The following PCDH9 variants were observed in gnomAD, a reference collection of about 807,000 sequenced individuals.
PCDH9 encodes the protein protocadherin 9.
In PCDH9, 24 loss-of-function variants were observed where a neutral mutation model predicts 70.6. The ratio of observed to expected loss-of-function variants is 0.34; its 90% CI spans 0.25 to 0.48. PCDH9 has a LOEUF of 0.48. PCDH9 is among the 20% of genes least tolerant of loss of function. The pLI, the probability that PCDH9 is intolerant of heterozygous loss-of-function variation, is 0.99. For synonymous variants in PCDH9, 562 were observed against 558.5 expected (o/e 1.01, Z -0.09); for missense variants, 1,281 against 1,503.6 (o/e 0.85, Z 2.45).
chr13:66,910,483 A>C (rs2082442472), intron 2 of PCDH9, among the ~76,000 whole-genome samples: 2 of 152,318 alleles, frequency 1.3e-5, no homozygotes, highest in South Asian at 4.1e-4. Flanking sequence ...AAATGGAACC[A>C]GTACGTTCCA....
chr13:66,750,740 A>G (rs1181743986), intron 3 of PCDH9, among the ~76,000 whole-genome samples: 1 of 152,122 alleles, frequency 6.6e-6, no homozygotes, highest in Non-Finnish European at 1.5e-5. Flanking sequence ...TGTTTTCCCA[A>G]AAATAAACAC....
intron 4 of PCDH9, among the ~76,000 whole-genome samples, chr13:66,436,727 C>T (rs1442540879): frequency 6.6e-6 from 1 of 152,074 alleles, no homozygotes; most frequent in Non-Finnish European, 1.5e-5. Context: ...AAATATAATG[C>T]AGGCCTAAAT....
chr13:67,088,802 TTAAC>T (rs2086160236), intron 2 of PCDH9, among the ~76,000 whole-genome samples: 2 of 152,164 alleles, frequency 1.3e-5, no homozygotes, highest in Middle Eastern at 3.4e-3. Flanking sequence ...ACTGAGCAGT[TTAAC>T]TATGCAATTC....
intron 4 of PCDH9, among the ~76,000 whole-genome samples, chr13:66,567,200 T>C (rs1304086453): frequency 5.3e-5 from 8 of 152,172 alleles, no homozygotes; most frequent in African/African-American, 1.9e-4. Context: ...AGCTCCATAC[T>C]GGGTGCTGCA....
At chr13:66,652,184 A>G (rs1353166291) in intron 3 of PCDH9, among the ~76,000 whole-genome samples, 2 of 152,098 alleles carry the variant, frequency 1.3e-5, no homozygotes, top group Non-Finnish European at 2.9e-5. Flanking sequence ...AATAAAGGGC[A>G]TCCACACTGG....
chr13:66,958,360 T>G (rs2083294850), intron 2 of PCDH9, among the ~76,000 whole-genome samples: 1 of 152,208 alleles, frequency 6.6e-6, no homozygotes, highest in African/African-American at 2.4e-5. Context: ...GAAGTAGAGA[T>G]TGCTTCAGAT....
At chr13:66,750,497 G>A (rs1222992754) in intron 3 of PCDH9, among the ~76,000 whole-genome samples, 1 of 151,786 alleles carries the variant, frequency 6.6e-6, no homozygotes, top group Non-Finnish European at 1.5e-5. Flanking sequence ...TTGTCTCTCT[G>A]CTATCCCTGA....
chr13:66,696,673 T>G (rs112588433), intron 3 of PCDH9, among the ~76,000 whole-genome samples: 2 of 152,044 alleles, frequency 1.3e-5, no homozygotes, highest in African/African-American at 4.8e-5. Context: ...CTTTGTGCAC[T>G]CAAATGTTTG....
intron 3 of PCDH9, among the ~76,000 whole-genome samples, chr13:66,646,222 A>AC (rs2077769205): frequency 6.6e-6 from 1 of 152,220 alleles, no homozygotes; most frequent in African/African-American, 2.4e-5. Flanking sequence ...AGTGATGTTT[A>AC]CCTTTTCAGG....
At chr13:66,477,538 A>G (rs1330192768) in intron 4 of PCDH9, among the ~76,000 whole-genome samples, 1 of 152,146 alleles carries the variant, frequency 6.6e-6, no homozygotes, top group East Asian at 1.9e-4. Flanking sequence ...TTTCAGACTT[A>G]CTGGCTGTAT....
At chr13:66,526,312 G>T (rs1342463953) in intron 4 of PCDH9, among the ~76,000 whole-genome samples, 1 of 151,968 alleles carries the variant, frequency 6.6e-6, no homozygotes, top group Admixed American at 6.6e-5. Context: ...GTGATCCTGC[G>T]GTGCTAATAA....
chr13:66,320,345 C>G (rs894551676), intron 4 of PCDH9, among the ~76,000 whole-genome samples: 4 of 151,986 alleles, frequency 2.6e-5, no homozygotes, highest in African/African-American at 9.7e-5. Context: ...TTAATAAAAT[C>G]ATAAGACAGC....
intron 3 of PCDH9, among the ~76,000 whole-genome samples, chr13:66,842,925 A>G (rs1374998852): frequency 6.6e-6 from 1 of 152,230 alleles, no homozygotes; most frequent in Non-Finnish European, 1.5e-5. Flanking sequence ...AAACATGCCC[A>G]GCCTCTATGG....
At chr13:67,199,768 G>A (rs927842222) in intron 2 of PCDH9, among the ~76,000 whole-genome samples, 1 of 152,004 alleles carries the variant, frequency 6.6e-6, no homozygotes, top group African/African-American at 2.4e-5. Flanking sequence ...CCAACAAGCC[G>A]CTTGCTCAGT....
At chr13:67,155,148 CT>C (rs1304056270) in intron 2 of PCDH9, among the ~76,000 whole-genome samples, 1 of 152,142 alleles carries the variant, frequency 6.6e-6, no homozygotes, top group Non-Finnish European at 1.5e-5. Context: ...CCAATTTGCC[CT>C]TTTAAACTTA....
At chr13:66,606,565 T>C (rs372664586) in intron 4 of PCDH9, among the ~76,000 whole-genome samples, 6 of 152,158 alleles carry the variant, frequency 3.9e-5, no homozygotes, top group African/African-American at 1.4e-4. Flanking sequence ...TAGGAAAGCA[T>C]AATCAATAAT....
At chr13:66,692,058 G>A (rs979966596) in intron 3 of PCDH9, among the ~76,000 whole-genome samples, 2 of 152,144 alleles carry the variant, frequency 1.3e-5, no homozygotes, top group African/African-American at 4.8e-5. Context: ...TACACATGGT[G>A]TATAAATCAG....
intron 3 of PCDH9, among the ~76,000 whole-genome samples, chr13:66,752,459 G>A (rs111880351): frequency 8.5e-5 from 13 of 152,070 alleles, no homozygotes; most frequent in African/African-American, 2.9e-4. Context: ...ACCATGCTCA[G>A]CTGTTTTTTG....
chr13:66,596,869 T>C (rs917581638), intron 4 of PCDH9, among the ~76,000 whole-genome samples: 1 of 150,964 alleles, frequency 6.6e-6, no homozygotes, highest in South Asian at 2.1e-4. Context: ...TAGCAGAACA[T>C]GGCTATTCTT....
Sources: gnomAD v4.1 joint callset for allele counts (sites outside exome capture counted in the v4.1 genomes callset) on GRCh38, gnomAD v4.1.1 for gene constraint, MANE v1.5 for transcripts, NCBI Gene and HGNC (gene_info 2026-07-23, HGNC 2026-07-21) for gene names.